The following FGD3 variants were observed in gnomAD, a reference collection of about 807,000 sequenced individuals.
The protein encoded by FGD3 is FYVE, RhoGEF and PH domain containing 3, also known as FYVE, RhoGEF and PH domain-containing protein 3.
Under a neutral mutation model 71.8 loss-of-function variants are expected in FGD3, and 45 were observed. The ratio of observed to expected loss-of-function variants is 0.63; its 90% confidence interval spans 0.49 to 0.80. The LOEUF (loss-of-function observed/expected upper bound fraction) is 0.80, where lower values mean the gene tolerates loss of function less well. FGD3 is among the 30% of genes least tolerant of loss of function. FGD3 has a pLI of 0.00. For synonymous variants in FGD3, 378 were observed against 392.8 expected, an observed-to-expected ratio of 0.96 and a Z score of 0.44; for missense variants, 844 against 951.5, an observed-to-expected ratio of 0.89 and a Z score of 1.49.
At chr9:93,035,232 C>A in intron 17 of FGD3, 106 bp from the exon 18 acceptor site, 1 of 1,454,866 alleles carries the variant, frequency 6.9e-7, no homozygotes, top group South Asian at 1.4e-5. Context: ...ACCTGCCTTG[C>A]GTTGCAAGGG....
chr9:92,956,838 CTT>C (rs71364336), intron 1 of FGD3, among the ~76,000 whole-genome samples: 4 of 138,716 alleles, frequency 2.9e-5, no homozygotes, highest in Admixed American at 7.5e-5. Flanking sequence ...TGCTTTCTTT[CTT>C]TTTTTTTTTT....
In FGD3 at chr9:93,035,461, A is replaced by C; in HGVS notation, c.2050A>C (p.Ser684Arg). The part of the protein sequence containing the change: ...LQWAKQSWYL[S>R]ASSAELQQQW... ...GTGGGCCAAGCAGTCCTGGTACCTG[A>C]GCGCCTCCTCCGCAGAGCTGCAGCA... The change falls in exon 18 of 18, where the codon AGC becomes CGC. Residue 684 changes from serine to arginine, a missense_variant. Ser to Arg is a moderately radical substitution (Grantham distance 110). Coordinates refer to ENST00000375482, the MANE Select transcript of FGD3 (RefSeq NM_001083536.2). 6.2e-7 allele frequency: 1 copy of C among 1,613,482 alleles called. No individual in the cohort carries two copies. Among genetic ancestry groups the C allele is most frequent in the Non-Finnish European group, 8.5e-7 (1 of 1,179,892 alleles).
intron 3 of FGD3, among the ~76,000 whole-genome samples, chr9:92,999,883 C>T (rs116152658): frequency 0.046 from 6,987 of 152,142 alleles, 197 homozygotes; most frequent in African/African-American, 0.072. Context: ...TGAGCCACCA[C>T]GCCTGGCTGC....
intron 15 of FGD3, among the ~76,000 whole-genome samples, chr9:93,032,093 A>G (rs1211309401): frequency 6.6e-6 from 1 of 152,244 alleles, no homozygotes; most frequent in Non-Finnish European, 1.5e-5. Context: ...AACTTCATCC[A>G]TTCATCTGCC....
intron 3 of FGD3, among the ~76,000 whole-genome samples, chr9:92,989,331 G>A (rs1035262801): frequency 4.6e-5 from 7 of 152,170 alleles, no homozygotes; most frequent in Admixed American, 1.3e-4. Context: ...TTACAGGCGT[G>A]ATCCACCGCG....
chr9:93,019,707 C>A, intron 11 of FGD3, 124 bp from the exon 12 acceptor site: 9 of 954,442 alleles, frequency 9.4e-6, no homozygotes, highest in Admixed American at 1.8e-5. Flanking sequence ...GCCAATCTTC[C>A]AATCCTTGAG....
intron 3 of FGD3, among the ~76,000 whole-genome samples, chr9:93,002,431 T>C (rs1299348634): frequency 2.0e-5 from 3 of 151,842 alleles, no homozygotes; most frequent in Admixed American, 6.6e-5. Context: ...AAAACGAAAA[T>C]AGAAAAAAAC....
intron 6 of FGD3, among the ~76,000 whole-genome samples, chr9:93,008,384 C>T (rs962193549): frequency 1.3e-5 from 2 of 152,200 alleles, no homozygotes; most frequent in African/African-American, 4.8e-5. Context: ...CAACCCAGGG[C>T]CACACATTGC....
At position 93,006,199 on chromosome 9, in the gene FGD3, G is replaced by A; in HGVS notation, c.837+19G>A. The A allele has an allele frequency of 1.3e-6, 2 of 1,535,166 alleles. No individual in the cohort carries two copies. The highest frequency in any genetic ancestry group is 1.8e-6 in the Non-Finnish European group (2 of 1,136,640). On this transcript the variant is annotated intron_variant, in intron 6 of 17. Transcript: ENST00000375482. ...CATCCAGGTAAGGCCGGCAGTGGGAGTGTGGACACAGATGTTCTCAAGATG... is the reference window on the plus strand; with the variant it reads ...CATCCAGGTAAGGCCGGCAGTGGGAATGTGGACACAGATGTTCTCAAGATG...
chr9:93,035,188 T>G lies in FGD3; in HGVS notation c.1927-150T>G, dbSNP rs1862546675. ...CCGTCCTCCTGTTGACAAAAGGCAG[T>G]GCAGGCACAGCCACCAGACCCCTCG... On this transcript the variant is annotated intron_variant, in intron 17 of 17. Transcript: ENST00000375482. The G allele has an allele frequency of 4.3e-6, 5 of 1,154,556 alleles. No homozygotes were observed. In the South Asian group the frequency reaches 6.5e-5, roughly 15 times the overall value. The allele number at this position is 1,154,556 out of a possible 1,614,324, so 71.5% of individuals were successfully genotyped here.
rs71511639 is a variant in FGD3 at position 93,016,335 on chromosome 9, C to CTT, written c.1275+527_1275+528dup. 6.7e-3 allele frequency among the ~76,000 whole-genome samples: 724 copies of CTT among 108,442 alleles called. 12 individuals carry two copies. Among genetic ancestry groups the CTT allele is most frequent in the African/African-American group, 0.011 (325 of 28,718 alleles). The allele number at this position is 108,442 out of a possible 152,430, so 71.1% of individuals were successfully genotyped here. A position where few individuals can be genotyped will look rare whatever the true frequency, so the allele number is the denominator to read the frequency against. Reference sequence around the variant, plus strand: ...CTGTAGCATGGTCCAGAATGACCTTCTTTTTTTTTTTTTTTTTTTTTTGAG... The same window carrying CTT: ...CTGTAGCATGGTCCAGAATGACCTTCTTTTTTTTTTTTTTTTTTTTTTTTGAG... On this transcript the variant is annotated intron_variant, in intron 10 of 17. Coordinates refer to ENST00000375482, the MANE Select transcript of FGD3 (RefSeq NM_001083536.2).
intron 10 of FGD3, among the ~76,000 whole-genome samples, chr9:93,017,306 T>TA (rs1003956836): frequency 4.6e-5 from 7 of 152,150 alleles, no homozygotes; most frequent in African/African-American, 1.7e-4. Flanking sequence ...GAAACAACCT[T>TA]AAAAAAAGGT....
At chr9:92,951,291 C>A (rs193250714) in intron 1 of FGD3, among the ~76,000 whole-genome samples, 1 of 152,344 alleles carries the variant, frequency 6.6e-6, no homozygotes, top group East Asian at 1.9e-4. Context: ...GGGTAAATTA[C>A]TTTGCTTCTC....
At chr9:92,965,228 C>G (rs1274430182) in intron 1 of FGD3, among the ~76,000 whole-genome samples, 1 of 152,224 alleles carries the variant, frequency 6.6e-6, no homozygotes, top group Admixed American at 6.5e-5. Flanking sequence ...TGAGTCGTGC[C>G]AGGCTCACTG....
chr9:93,035,278 T>C lies in FGD3; in HGVS notation c.1927-60T>C. 4 of 1,565,312 alleles carry C rather than the reference T, an allele frequency of 2.6e-6. No homozygotes were observed. The South Asian group carries it at 4.8e-5, about 19-fold the overall frequency. On this transcript the variant is annotated intron_variant, in intron 17 of 17. Transcript: ENST00000375482. ...GCCTCCTGGGAGAGGCCCCCATCAC[T>C]GAGGTGAGCCCGAGGCCGGGAAGCT...
intron 3 of FGD3, among the ~76,000 whole-genome samples, chr9:92,980,592 G>A (rs946035055): frequency 6.6e-6 from 1 of 151,552 alleles, no homozygotes; most frequent in Non-Finnish European, 1.5e-5. Flanking sequence ...ATTTATAGCT[G>A]TAAAATTCCC....
At position 93,002,825 on chromosome 9, in the gene FGD3, C is replaced by T. The variant is rs114666941; in HGVS notation, c.454-100C>T. 1,670 of 1,180,500 alleles carry T rather than the reference C, an allele frequency of 1.4e-3. 14 individuals are homozygous for T. In the African/African-American group the frequency reaches 0.022, roughly 16 times the overall value. The allele number at this position is 1,180,500 out of a possible 1,614,324, so 73.1% of individuals were successfully genotyped here. ...CTTGCCCCAGTGGCCTCCTGCCACC[C>T]CTGTGGCCCCTGGTTCTCCTGCACA... On this transcript the variant is annotated intron_variant, in intron 3 of 17. Coordinates refer to ENST00000375482, the MANE Select transcript of FGD3 (RefSeq NM_001083536.2).
At chr9:92,998,220 G>C (rs1158170081) in intron 3 of FGD3, among the ~76,000 whole-genome samples, 1 of 151,874 alleles carries the variant, frequency 6.6e-6, no homozygotes, top group Non-Finnish European at 1.5e-5. Flanking sequence ...TCATTCATTT[G>C]ATCTTCAATC....
intron 7 of FGD3, 124 bp downstream of exon 7, chr9:93,010,508 C>A: frequency 9.9e-7 from 1 of 1,009,508 alleles, no homozygotes; most frequent in Non-Finnish European, 1.3e-6. Context: ...AACAGAGAGA[C>A]CAGAGGGAAA....
Sources: allele counts gnomAD v4.1 joint callset (sites outside exome capture counted in the v4.1 genomes callset), GRCh38; gene constraint gnomAD v4.1.1; transcripts MANE v1.5; gene names NCBI Gene and HGNC (gene_info 2026-07-23, HGNC 2026-07-21).